PLCE1: variants seen among roughly 807,000 people sequenced by gnomAD.
The protein encoded by PLCE1 is phospholipase C epsilon 1.
A neutral mutation model predicts 242.8 loss-of-function variants in PLCE1; 119 were observed. The ratio of observed to expected loss-of-function variants is 0.49; its 90% confidence interval spans 0.42 to 0.57. The LOEUF (loss-of-function observed/expected upper bound fraction) is 0.57. PLCE1 is among the 20% of genes least tolerant of loss of function. The pLI is 0.00. For missense variants in PLCE1, 2,441 were observed against 2,788.8 expected, an observed-to-expected ratio of 0.88 and a Z score of 2.81; for synonymous variants, 945 against 1,017.4, an observed-to-expected ratio of 0.93 and a Z score of 1.35.
chr10:94,006,066 C>T (rs1252399869), intron 1 of PLCE1, among the ~76,000 whole-genome samples: 1 of 152,170 alleles, frequency 6.6e-6, no homozygotes, highest in Non-Finnish European at 1.5e-5. Flanking sequence ...TTTGATCCAG[C>T]TTTGCTGTTT....
At chr10:94,101,541 G>A (rs140399387) in intron 2 of PLCE1, among the ~76,000 whole-genome samples, 7 of 152,300 alleles carry the variant, frequency 4.6e-5, no homozygotes, top group African/African-American at 9.6e-5. Context: ...AAGGAGAGAC[G>A]TGAGGAAGAG....
At chr10:94,288,055 G>A (rs2052522179) in intron 22 of PLCE1, among the ~76,000 whole-genome samples, 2 of 152,092 alleles carry the variant, frequency 1.3e-5, no homozygotes, top group Admixed American at 1.3e-4. Context: ...CCACAGTTAG[G>A]AGTGCAACCT....
chr10:94,055,156 A>T (rs1239728577), intron 2 of PLCE1, among the ~76,000 whole-genome samples: 1 of 151,982 alleles, frequency 6.6e-6, no homozygotes, highest in Non-Finnish European at 1.5e-5. Context: ...ATAAGGAGGC[A>T]GTATAATAAT....
chr10:94,298,737 T>C lies in PLCE1; in HGVS notation c.5458+68T>C. On this transcript the variant is annotated intron_variant, in intron 24 of 32. Coordinates refer to ENST00000371380, the MANE Select transcript of PLCE1 (RefSeq NM_016341.4). This position sits in a 1 kb window ranked among gnomAD's most constrained non-coding sequence, Gnocchi z 5.2. ...TTTCAGTAAATGCAGTTTGACAGCA[T>C]TTTTTCAAAGGGGCAAGATTCCAGA... The C allele has an allele frequency of 6.4e-7, 1 of 1,559,974 alleles. No homozygotes were observed. Among genetic ancestry groups the C allele is most frequent in the Non-Finnish European group, 8.8e-7 (1 of 1,132,158 alleles).
intron 7 of PLCE1, among the ~76,000 whole-genome samples, chr10:94,241,790 A>G (rs1589405427): frequency 7.3e-6 from 1 of 137,010 alleles, no homozygotes; most frequent in Non-Finnish European, 1.6e-5. Flanking sequence ...CCATCTCCAG[A>G]AAAAAAAAAA....
chr10:94,302,140 C>A (rs1380109899), intron 24 of PLCE1, among the ~76,000 whole-genome samples: 1 of 152,170 alleles, frequency 6.6e-6, no homozygotes, highest in Non-Finnish European at 1.5e-5. Context: ...CAGGGGACAG[C>A]AAGAGGGCTA....
Position 94,306,253 on chromosome 10 carries a change from A to G in PLCE1, c.5623-174A>G, listed in dbSNP as rs1193978591. Among the ~76,000 whole-genome samples the G allele has an allele frequency of 1.3e-5, 2 of 152,204 alleles. No homozygotes were observed. Among genetic ancestry groups the G allele is most frequent in the African/African-American group, 4.8e-5 (2 of 41,434 alleles). On this transcript the variant is annotated intron_variant, in intron 25 of 32. Transcript: ENST00000371380. The surrounding 1 kb of genome is among the most constrained non-coding windows in gnomAD (Gnocchi z 5.7). ...CCAAAGTGCTGGGATTACAGGCATA[A>G]GCCACCGCGCCCAGCCCTACAATCA...
chr10:94,234,847 G>A (rs971877368), intron 6 of PLCE1, among the ~76,000 whole-genome samples: 1 of 152,310 alleles, frequency 6.6e-6, no homozygotes, highest in Non-Finnish European at 1.5e-5. Context: ...AGAAGGGACA[G>A]TGTGAGCTTT....
intron 4 of PLCE1, among the ~76,000 whole-genome samples, chr10:94,222,661 G>A (rs1160468921): frequency 6.6e-6 from 1 of 152,046 alleles, no homozygotes; most frequent in Non-Finnish European, 1.5e-5. Context: ...GTACAAGGGA[G>A]GCCCCAGCAT....
intron 2 of PLCE1, among the ~76,000 whole-genome samples, chr10:94,111,173 A>T (rs5007092): frequency 0.012 from 1,801 of 152,264 alleles, 32 homozygotes; most frequent in African/African-American, 0.042. Flanking sequence ...TCGTTCACTC[A>T]CTCATGAGAC....
chr10:94,275,851 C>A (rs919485930), intron 19 of PLCE1, among the ~76,000 whole-genome samples: 3 of 151,890 alleles, frequency 2.0e-5, no homozygotes, highest in Admixed American at 6.6e-5. Context: ...AAAAAAAATT[C>A]TTTAGCACAC....
intron 3 of PLCE1, among the ~76,000 whole-genome samples, chr10:94,150,589 G>A (rs904116422): frequency 2.6e-5 from 4 of 152,222 alleles, no homozygotes; most frequent in Non-Finnish European, 5.9e-5. Context: ...TCTGTGAAGA[G>A]TTTAGGGAAA....
chr10:94,081,472 C>A (rs990452804), intron 2 of PLCE1, among the ~76,000 whole-genome samples: 2 of 152,094 alleles, frequency 1.3e-5, no homozygotes, highest in Non-Finnish European at 2.9e-5. Context: ...TACATTTTAA[C>A]CTTTCATTCA....
rs926164432 is a variant in PLCE1 at position 94,083,800 on chromosome 10, G to A, written c.1207-48374G>A. 5.3e-5 allele frequency among the ~76,000 whole-genome samples: 8 copies of A among 152,312 alleles called. No homozygotes were observed. In the East Asian group the frequency reaches 1.5e-3, roughly 29 times the overall value. On this transcript the variant is annotated intron_variant, in intron 2 of 32. Transcript: ENST00000371380. Reference sequence around the variant, plus strand: ...ACAGTCTGAATGACATTTGCCAAGTGTTGGCCTCGGAAAATTTATTGCTTC... The same window carrying A: ...ACAGTCTGAATGACATTTGCCAAGTATTGGCCTCGGAAAATTTATTGCTTC...
chr10:94,053,253 A>C (rs1022686764), intron 2 of PLCE1, among the ~76,000 whole-genome samples: 1 of 152,212 alleles, frequency 6.6e-6, no homozygotes, highest in African/African-American at 2.4e-5. Context: ...AATAACACCT[A>C]ATCTAGAGAG....
intron 2 of PLCE1, among the ~76,000 whole-genome samples, chr10:94,061,965 C>T (rs1009350323): frequency 2.6e-5 from 4 of 152,216 alleles, no homozygotes; most frequent in South Asian, 2.1e-4. Flanking sequence ...AACTACATGC[C>T]GTTGGGCAAG....
At chr10:94,082,115 A>G (rs1013835069) in intron 2 of PLCE1, 3 of 152,126 alleles carry the variant, frequency 2.0e-5, no homozygotes, top group African/African-American at 7.2e-5. Flanking sequence ...CTTCATAGTA[A>G]ATTAACATTC....
intron 2 of PLCE1, among the ~76,000 whole-genome samples, chr10:94,120,367 T>C (rs2046264403): frequency 6.6e-6 from 1 of 152,210 alleles, no homozygotes; most frequent in African/African-American, 2.4e-5. Flanking sequence ...TTCAGTCTTA[T>C]TGGCAGGCAT....
rs184391908 is a variant in PLCE1, at chr10:94,212,477, T to C, written c.1810-14829T>C. Among the ~76,000 whole-genome samples the C allele has an allele frequency of 3.3e-3, 499 of 152,252 alleles. 7 individuals carry two copies. The highest frequency in any genetic ancestry group is 0.011 in the African/African-American group (444 of 41,560). On this transcript the variant is annotated intron_variant, in intron 4 of 32. Transcript: ENST00000371380. ...TTCACCGTGTTAGCCAGGATGGTCT[T>C]GATCTCCTGACCTTGTGATCCACCC...
Sources: allele counts gnomAD v4.1 joint callset (sites outside exome capture counted in the v4.1 genomes callset), GRCh38; gene constraint gnomAD v4.1.1; non-coding constraint Gnocchi (gnomAD v3.1); transcripts MANE v1.5; gene names NCBI Gene and HGNC (gene_info 2026-07-23, HGNC 2026-07-21).